The following RPTOR variants were observed in gnomAD, a reference collection of about 807,000 sequenced individuals.
RPTOR encodes the protein regulatory-associated protein of mTOR.
A neutral mutation model predicts 169.9 loss-of-function variants in RPTOR; 21 were observed. That is an observed-to-expected ratio of 0.12 (90% confidence interval 0.09 to 0.18). The LOEUF (loss-of-function observed/expected upper bound fraction) is 0.18, where lower values mean the gene tolerates loss of function less well. Ranked by LOEUF, RPTOR falls within the 10% of genes least tolerant of loss-of-function variation. The pLI is 1.00. For synonymous variants in RPTOR, 732 were observed against 753.2 expected (o/e 0.97, Z 0.46); for missense variants, 1,133 against 1,855.9 (o/e 0.61, Z 7.16).
Position 80,964,354 on chromosome 17 carries a change from C to G in RPTOR, c.*24C>G, listed in dbSNP as rs750867448. ...AGCGGCGTGACCCGGGCCCACCAGGCCACGGCCGCCTGCTGTACATAGTGA... is the reference window on the plus strand; with the variant it reads ...AGCGGCGTGACCCGGGCCCACCAGGGCACGGCCGCCTGCTGTACATAGTGA... On this transcript the variant is annotated 3_prime_UTR_variant, in exon 34 of 34. Coordinates refer to ENST00000306801, the MANE Select transcript of RPTOR (RefSeq NM_020761.3). 6 of 1,601,544 alleles carry G rather than the reference C, an allele frequency of 3.7e-6. No individual in the cohort carries two copies. The highest frequency in any genetic ancestry group is 4.2e-6 in the Non-Finnish European group (5 of 1,178,248).
chr17:80,797,321 T>G (rs1405983517), intron 7 of RPTOR, among the ~76,000 whole-genome samples: 2 of 152,006 alleles, frequency 1.3e-5, no homozygotes, highest in Non-Finnish European at 2.9e-5. Context: ...GGTTGTTTGG[T>G]TTTTTTTGTA....
intron 3 of RPTOR, among the ~76,000 whole-genome samples, chr17:80,700,787 G>A (rs994687163): frequency 3.9e-3 from 433 of 111,252 alleles, no homozygotes; most frequent in South Asian, 6.5e-3. Flanking sequence ...GATGATGATG[G>A]TGGTGGTGGT....
At chr17:80,828,298 G>C (rs2067466974) in intron 9 of RPTOR, among the ~76,000 whole-genome samples, 1 of 152,200 alleles carries the variant, frequency 6.6e-6, no homozygotes, top group South Asian at 2.1e-4. Context: ...TCTCAGGAAG[G>C]ATGTGCGCCT....
At chr17:80,759,336 T>C (rs1198341177) in intron 6 of RPTOR, among the ~76,000 whole-genome samples, 1 of 152,124 alleles carries the variant, frequency 6.6e-6, no homozygotes, top group African/African-American at 2.4e-5. Context: ...CTGAAATCCT[T>C]GTAGGAGTTA....
At chr17:80,875,029 G>T (rs2068091464) in intron 13 of RPTOR, among the ~76,000 whole-genome samples, 1 of 152,190 alleles carries the variant, frequency 6.6e-6, no homozygotes, top group Non-Finnish European at 1.5e-5. Flanking sequence ...AATGGCTCAG[G>T]GCTTGGCTCA....
Position 80,545,202 on chromosome 17 carries a change from C to T in RPTOR, c.-428C>T, listed in dbSNP as rs1339155595. 2 of 235,890 alleles carry T rather than the reference C, an allele frequency of 8.5e-6. No homozygotes were observed. The highest frequency in any genetic ancestry group is 1.7e-5 in the Non-Finnish European group (2 of 119,664). The allele number at this position is 235,890 out of a possible 1,614,324, so 14.6% of individuals were successfully genotyped here. ...TGGCCGGAGACCTCAGCCCAGTCGG[C>T]CCAGTGGGCGAACCGGCACCAAGAG... is the stretch of plus-strand genomic sequence containing the variant. On this transcript the variant is annotated 5_prime_UTR_variant, in exon 1 of 34. Coordinates refer to ENST00000306801, the MANE Select transcript of RPTOR (RefSeq NM_020761.3).
rs139604878 is a variant in RPTOR at position 80,935,627 on chromosome 17, T to C, written c.2920-4869T>C. Among the ~76,000 whole-genome samples the C allele has an allele frequency of 3.8e-4, 58 of 152,280 alleles. No homozygotes were observed. The East Asian group carries it at 7.1e-3, about 19-fold the overall frequency. On this transcript the variant is annotated intron_variant, in intron 24 of 33. Transcript: ENST00000306801. Reference sequence around the variant, plus strand: ...GGAGAAAGGATACTCTTTTCAACCATTGGTACTGGAGCAATTAACAACCAG... The same window carrying C: ...GGAGAAAGGATACTCTTTTCAACCACTGGTACTGGAGCAATTAACAACCAG...
intron 9 of RPTOR, among the ~76,000 whole-genome samples, chr17:80,829,340 G>A (rs1023808279): frequency 2.0e-5 from 3 of 152,206 alleles, no homozygotes; most frequent in Non-Finnish European, 4.4e-5. Flanking sequence ...GCATGGGTAG[G>A]GCAGCGCCCG....
At chr17:80,826,612 G>A (rs981717472) in intron 9 of RPTOR, among the ~76,000 whole-genome samples, 1 of 152,264 alleles carries the variant, frequency 6.6e-6, no homozygotes. Context: ...GGGAAGCACC[G>A]CCCTGGCCTC....
chr17:80,619,083 T>C (rs985107108), intron 1 of RPTOR, among the ~76,000 whole-genome samples: 1 of 152,214 alleles, frequency 6.6e-6, no homozygotes, highest in Non-Finnish European at 1.5e-5. Flanking sequence ...TCCGAGTTTC[T>C]GCTTGATGCT....
rs981936159 is a variant in RPTOR, at chr17:80,860,810, CTT to C, written c.1509+2914_1509+2915del. On this transcript the variant is annotated intron_variant, in intron 13 of 33. Coordinates refer to ENST00000306801, the MANE Select transcript of RPTOR (RefSeq NM_020761.3). This position sits in a 1 kb window ranked among gnomAD's most constrained non-coding sequence, Gnocchi z 5.8. The stretch of plus-strand genomic sequence containing the variant: ...TCTTCCGGTTCTGGGATCTCTCACT[CTT>C]TTTCTGGGCCTGGGGCACTGACCAT... Among the ~76,000 whole-genome samples the C allele has an allele frequency of 6.6e-6, 1 of 152,056 alleles. No individual in the cohort carries two copies. Among genetic ancestry groups the C allele is most frequent in the African/African-American group, 2.4e-5 (1 of 41,416 alleles).
At chr17:80,616,557 G>A (rs377029624) in intron 1 of RPTOR, among the ~76,000 whole-genome samples, 7 of 152,084 alleles carry the variant, frequency 4.6e-5, no homozygotes, top group African/African-American at 1.7e-4. Flanking sequence ...TCGGCCTCCC[G>A]ACGTGCAGGG....
chr17:80,564,304 T>A (rs2084546085), intron 1 of RPTOR, among the ~76,000 whole-genome samples: 1 of 152,050 alleles, frequency 6.6e-6, no homozygotes, highest in African/African-American at 2.4e-5. Context: ...CCTTGTGATC[T>A]GCCCGCCTCG....
chr17:80,875,230 G>A (rs1335023644), intron 13 of RPTOR, among the ~76,000 whole-genome samples: 1 of 152,230 alleles, frequency 6.6e-6, no homozygotes, highest in Non-Finnish European at 1.5e-5. Flanking sequence ...CCTTACGGGT[G>A]CACCTTGTAG....
At chr17:80,763,831 T>G (rs919151646) in intron 6 of RPTOR, among the ~76,000 whole-genome samples, 1 of 152,234 alleles carries the variant, frequency 6.6e-6, no homozygotes, top group Non-Finnish European at 1.5e-5. Context: ...AACTAAAATC[T>G]TAAAATCCTT....
intron 20 of RPTOR, among the ~76,000 whole-genome samples, chr17:80,894,655 C>T (rs2068375835): frequency 6.6e-6 from 1 of 152,222 alleles, no homozygotes; most frequent in African/African-American, 2.4e-5. Context: ...GCCTCATCTC[C>T]TCTTGTTCTG....
intron 24 of RPTOR, among the ~76,000 whole-genome samples, chr17:80,926,833 GCTT>G (rs571169361): frequency 8.9e-4 from 136 of 152,324 alleles, no homozygotes; most frequent in Non-Finnish European, 1.5e-3. Context: ...ACTGAATTGG[GCTT>G]CTTTTGTGCC....
rs148973724 is a variant in RPTOR, at chr17:80,754,175, G to A, written c.820G>A (p.Ala274Thr). 6.9e-6 allele frequency: 11 copies of A among 1,603,038 alleles called. No homozygotes were observed. The highest frequency in any genetic ancestry group is 3.3e-4 in the Middle Eastern group (2 of 6,058). ...TSCLTTPIKI[A>T]LRWFCMQKCV... The stretch of plus-strand genomic sequence containing the variant: ...CTGCCTCACCACCCCCATCAAGATC[G>A]CCCTGCGCTGGTGAGTGGCCCCTGC... Residue 274 changes from alanine to threonine, a missense_variant, in exon 6 of 34, where the codon GCC (alanine) becomes ACC (threonine). Ala to Thr is a moderately conservative substitution (Grantham distance 58). Transcript: ENST00000306801. This position sits in a 1 kb window ranked among gnomAD's most constrained non-coding sequence, Gnocchi z 4.2.
At chr17:80,732,787 C>T (rs980447459) in intron 5 of RPTOR, among the ~76,000 whole-genome samples, 2 of 152,158 alleles carry the variant, frequency 1.3e-5, no homozygotes, top group African/African-American at 2.4e-5. Context: ...AGTAATTTCA[C>T]TATCTGCTAG....
Sources: allele counts gnomAD v4.1 joint callset (sites outside exome capture counted in the v4.1 genomes callset), GRCh38; gene constraint gnomAD v4.1.1; non-coding constraint Gnocchi (gnomAD v3.1); transcripts MANE v1.5; gene names NCBI Gene and HGNC (gene_info 2026-07-23, HGNC 2026-07-21).